The following CSE1L variants were observed in gnomAD, a reference collection of about 807,000 sequenced individuals.
CSE1L encodes the protein exportin-2.
A neutral mutation model predicts 120.4 loss-of-function variants in CSE1L; 24 were observed. The ratio of observed to expected loss-of-function variants is 0.20; its 90% CI spans 0.14 to 0.28. CSE1L has a LOEUF of 0.28. Ranked by LOEUF, CSE1L falls within the 10% of genes least tolerant of loss-of-function variation. The pLI is 1.00. For synonymous variants in CSE1L, 402 were observed against 398.3 expected (o/e 1.01, Z -0.11); for missense variants, 830 against 1,145.2 (o/e 0.72, Z 3.97).
At chr20:49,050,498 G>T (rs1198095016) in intron 1 of CSE1L, among the ~76,000 whole-genome samples, 1 of 149,810 alleles carries the variant, frequency 6.7e-6, no homozygotes, top group Admixed American at 6.7e-5. Context: ...TGCCTCCCGG[G>T]TTCAAGCAAT....
At chr20:49,071,387 C>T (rs1409034091) in intron 8 of CSE1L, among the ~76,000 whole-genome samples, 1 of 152,324 alleles carries the variant, frequency 6.6e-6, no homozygotes, top group East Asian at 1.9e-4. Context: ...AGAATTCTTA[C>T]AAGGACCTTT....
intron 3 of CSE1L, among the ~76,000 whole-genome samples, chr20:49,065,174 T>G (rs1374362684): frequency 6.7e-6 from 1 of 149,204 alleles, no homozygotes; most frequent in Non-Finnish European, 1.5e-5. Flanking sequence ...AAAAAAAGAA[T>G]AAAAAAAATT....
In CSE1L at chr20:49,089,229, T is replaced by G. The variant is rs2092082947; in HGVS notation, c.1822-18T>G. 6.5e-6 allele frequency: 9 copies of G among 1,379,854 alleles called. No individual in the cohort carries two copies. The highest frequency in any genetic ancestry group is 1.3e-5 in the South Asian group (1 of 76,252). 85.5% of individuals were successfully genotyped at this position (1,379,854 alleles called of 1,614,324 possible). On this transcript the variant is annotated intron_variant, in intron 17 of 24. Coordinates refer to ENST00000262982, the MANE Select transcript of CSE1L (RefSeq NM_001316.4). ...TGTGGATTATTAGCATAATTAGGTT[T>G]TTTTTTTTTAATTTCAGAACCCAAG...
chr20:49,090,674 T>G (rs1180213412), intron 19 of CSE1L, 68 bp from the exon 20 acceptor site: 1 of 1,147,228 alleles, frequency 8.7e-7, no homozygotes, highest in Non-Finnish European at 1.3e-6. Context: ...TTAAGACATA[T>G]ATCATGTTTA....
chr20:49,082,477 C>T (rs937936054), intron 14 of CSE1L, among the ~76,000 whole-genome samples: 6 of 151,904 alleles, frequency 3.9e-5, no homozygotes, highest in African/African-American at 1.5e-4. Flanking sequence ...TAAATGACAT[C>T]ATACTATGGG....
intron 22 of CSE1L, among the ~76,000 whole-genome samples, chr20:49,092,781 C>T (rs997087403): frequency 4.0e-5 from 6 of 151,690 alleles, no homozygotes; most frequent in East Asian, 1.9e-4. Flanking sequence ...CAAACCTGCA[C>T]GTTGTGCACA....
chr20:49,050,691 G>C (rs144585648), intron 1 of CSE1L, among the ~76,000 whole-genome samples: 89 of 151,838 alleles, frequency 5.9e-4, no homozygotes, highest in African/African-American at 2.0e-3. Flanking sequence ...GATTACAGAC[G>C]TAAGCCACCG....
At chr20:49,076,879 T>C in intron 12 of CSE1L, 101 bp from the exon 13 acceptor site, 1 of 669,612 alleles carries the variant, frequency 1.5e-6, no homozygotes, top group Non-Finnish European at 2.5e-6. Context: ...GAAGTGTTCA[T>C]CTCCATTTTA....
At chr20:49,080,399 A>T (rs1231831594) in intron 14 of CSE1L, among the ~76,000 whole-genome samples, 2 of 151,792 alleles carry the variant, frequency 1.3e-5, no homozygotes, top group East Asian at 3.9e-4. Flanking sequence ...ATTTTTAATG[A>T]TGTTAAGACA....
At chr20:49,064,981 C>A (rs2091879620) in intron 3 of CSE1L, among the ~76,000 whole-genome samples, 1 of 150,858 alleles carries the variant, frequency 6.6e-6, no homozygotes, top group Non-Finnish European at 1.5e-5. Flanking sequence ...AAAGTGAGAC[C>A]CCTCTTCTCT....
intron 14 of CSE1L, among the ~76,000 whole-genome samples, chr20:49,080,606 A>C (rs2092004172): frequency 6.6e-6 from 1 of 152,092 alleles, no homozygotes; most frequent in South Asian, 2.1e-4. Flanking sequence ...CCTCCTGAGT[A>C]GCTGGGATTA....
At chr20:49,061,218 G>A (rs2091850223) in intron 2 of CSE1L, among the ~76,000 whole-genome samples, 1 of 144,434 alleles carries the variant, frequency 6.9e-6, no homozygotes, top group African/African-American at 2.6e-5. Context: ...TGTCGCCCAG[G>A]CTAGAGTGCA....
chr20:49,071,607 C>A (rs1682829498), intron 8 of CSE1L, among the ~76,000 whole-genome samples: 1 of 152,116 alleles, frequency 6.6e-6, no homozygotes, highest in South Asian at 2.1e-4. Flanking sequence ...ACCTCAGCCT[C>A]CCAAGTAGCA....
At chr20:49,063,396 A>T (rs1254027514) in intron 3 of CSE1L, 52 bp downstream of exon 3, 3 of 1,206,416 alleles carry the variant, frequency 2.5e-6, no homozygotes, top group Non-Finnish European at 3.4e-6. Context: ...TATAAGGTTT[A>T]TATAAGCAGT....
intron 17 of CSE1L, among the ~76,000 whole-genome samples, chr20:49,089,018 T>C (rs966006226): frequency 1.3e-5 from 2 of 152,132 alleles, no homozygotes; most frequent in African/African-American, 4.8e-5. Context: ...AAGTTACAGC[T>C]CTGGGATCTG....
Position 49,067,158 on chromosome 20 carries a change from G to T in CSE1L, c.477-32G>T, listed in dbSNP as rs765012133. 8.7e-6 allele frequency: 12 copies of T among 1,385,920 alleles called. No individual in the cohort carries two copies. The South Asian group carries it at 1.3e-4, about 16-fold the overall frequency. 85.9% of individuals were successfully genotyped at this position (1,385,920 alleles called of 1,614,324 possible). A position where few individuals can be genotyped will look rare whatever the true frequency, so the allele number is the denominator to read the frequency against. ...TAAAGTGAGTAAATAAAAAAAACTTGTAAATTTATCTGTTTTACCTTAATT... is the reference window on the plus strand; with the variant it reads ...TAAAGTGAGTAAATAAAAAAAACTTTTAAATTTATCTGTTTTACCTTAATT... On this transcript the variant is annotated intron_variant, in intron 5 of 24. Transcript: ENST00000262982.
At chr20:49,047,559 C>CTTTTT (rs1568757225) in intron 1 of CSE1L, among the ~76,000 whole-genome samples, 1 of 61,088 alleles carries the variant, frequency 1.6e-5, no homozygotes. Context: ...TTTCTTTTCT[C>CTTTTT]TTTTCTTTTT....
chr20:49,070,775 A>T (rs1386764354), intron 8 of CSE1L, among the ~76,000 whole-genome samples: 1 of 152,146 alleles, frequency 6.6e-6, no homozygotes, highest in Non-Finnish European at 1.5e-5. Context: ...ACTACAAAAA[A>T]TAAAAATAAA....
intron 1 of CSE1L, among the ~76,000 whole-genome samples, chr20:49,051,363 G>T (rs112435589): frequency 6.7e-6 from 1 of 149,790 alleles, no homozygotes; most frequent in Non-Finnish European, 1.5e-5. Context: ...TGGCCAACAC[G>T]GTGAAACCGC....
Sources: gnomAD v4.1 joint callset for allele counts (sites outside exome capture counted in the v4.1 genomes callset) on GRCh38, gnomAD v4.1.1 for gene constraint, MANE v1.5 for transcripts, NCBI Gene and HGNC (gene_info 2026-07-23, HGNC 2026-07-21) for gene names.